Variants in GBP7 observed in about 807,000 individuals in gnomAD.
GBP7 encodes the protein guanylate binding protein 7.
Under a neutral mutation model 61.3 loss-of-function variants are expected in GBP7, and 43 were observed. The observed-to-expected ratio is 0.70, with a 90% CI of 0.55 to 0.91. The LOEUF is 0.91. Ranked by LOEUF, GBP7 falls within the 40% of genes least tolerant of loss-of-function variation. The pLI, the probability that GBP7 is intolerant of heterozygous loss-of-function variation, is 0.00. For missense variants in GBP7, 717 were observed against 740.5 expected (o/e 0.97, Z 0.37); for synonymous variants, 267 against 271.0 (o/e 0.99, Z 0.14).
chr1:89,150,402 T>C lies in GBP7; in HGVS notation c.799A>G (p.Asn267Asp). Residue 267 changes from asparagine to aspartate, a missense_variant, in exon 6 of 11, where the codon AAT (asparagine) becomes GAT (aspartate). Physicochemically the swap from Asn to Asp is conservative, Grantham distance 23. This residue lies in a region of GBP7 where 387 missense variants were observed against 385.2 expected (regional missense o/e 1.00). Transcript: ENST00000294671. Reference protein sequence around the residue: ...LDSNFQMQSENFCSYIFTHAK... With the variant: ...LDSNFQMQSEDFCSYIFTHAK... Reference sequence around the variant, plus strand: ...TGGGTGAAGATATAAGAACAGAAATTTTCTGATTGCATCTGGAAATTACTA... The same window carrying C: ...TGGGTGAAGATATAAGAACAGAAATCTTCTGATTGCATCTGGAAATTACTA... 6.2e-7 allele frequency: 1 copy of C among 1,613,992 alleles called. No homozygotes were observed. Among genetic ancestry groups the C allele is most frequent in the Non-Finnish European group, 8.5e-7 (1 of 1,179,884 alleles).
At chr1:89,168,443 A>C (rs1647502707) in intron 2 of GBP7, among the ~76,000 whole-genome samples, 1 of 152,130 alleles carries the variant, frequency 6.6e-6, no homozygotes, top group Admixed American at 6.5e-5. Flanking sequence ...ATATTCCTAA[A>C]ATATTTTCCA....
intron 1 of GBP7, among the ~76,000 whole-genome samples, chr1:89,173,915 A>C (rs555728141): frequency 6.6e-6 from 1 of 152,174 alleles, no homozygotes; most frequent in South Asian, 2.1e-4. Flanking sequence ...ATTCCCACCC[A>C]TCCTCCATAG....
rs1682222314 is a variant in GBP7 at position 89,152,348 on chromosome 1, T to C, written c.545A>G (p.Asp182Gly). The change falls in exon 5 of 11, where the codon GAT (aspartate) becomes GGT (glycine). Residue 182 changes from aspartate to glycine, a missense_variant. Around this residue, in one of 3 missense-constraint regions of GBP7, gnomAD observed 387 missense variants for 385.2 expected, o/e 1.00. Coordinates refer to ENST00000294671, the MANE Select transcript of GBP7 (RefSeq NM_207398.3). ...ATCTAACTTCAGCTCCAGGGTAAAATCTCGAACAGTCCAAATAAAGTCTGG... is the reference window on the plus strand; with the variant it reads ...ATCTAACTTCAGCTCCAGGGTAAAACCTCGAACAGTCCAAATAAAGTCTGG... The part of the protein sequence containing the change: ...FFPDFIWTVR[D>G]FTLELKLDGH... 6 of 1,614,002 alleles carry C rather than the reference T, an allele frequency of 3.7e-6. No homozygotes were observed. The highest frequency in any genetic ancestry group is 4.2e-6 in the Non-Finnish European group (5 of 1,179,988).
intron 8 of GBP7, among the ~76,000 whole-genome samples, chr1:89,144,037 C>T (rs913877524): frequency 2.6e-5 from 4 of 152,186 alleles, no homozygotes; most frequent in African/African-American, 9.7e-5. Context: ...CCTGCCTCCT[C>T]CCTCTTGTAT....
chr1:89,154,959 C>T (rs772723637), intron 3 of GBP7, among the ~76,000 whole-genome samples: 3 of 152,046 alleles, frequency 2.0e-5, no homozygotes, highest in South Asian at 2.1e-4. Context: ...CAGTAGGGGC[C>T]GACTGACACC....
chr1:89,169,650 G>T (rs570911787), intron 2 of GBP7, among the ~76,000 whole-genome samples: 1 of 152,270 alleles, frequency 6.6e-6, no homozygotes, highest in East Asian at 1.9e-4. Flanking sequence ...TGTTCCTGAA[G>T]CTCTATACAC....
intron 7 of GBP7, 52 bp from the exon 8 acceptor site, chr1:89,147,831 G>A: frequency 6.3e-7 from 1 of 1,576,834 alleles, no homozygotes; most frequent in South Asian, 1.1e-5. Flanking sequence ...TAGAAGGGAA[G>A]GTCCAACTGT....
At chr1:89,135,952 T>TC (rs1681791767) in intron 9 of GBP7, among the ~76,000 whole-genome samples, 2 of 151,992 alleles carry the variant, frequency 1.3e-5, no homozygotes, top group South Asian at 4.2e-4. Flanking sequence ...AGGCTCAAAG[T>TC]AAAGGGATGA....
intron 3 of GBP7, 68 bp from the exon 4 acceptor site, chr1:89,152,845 T>A: frequency 1.6e-6 from 2 of 1,268,022 alleles, no homozygotes; most frequent in African/African-American, 1.5e-5. Context: ...GTCAACTACT[T>A]GTATCCATGT....
intron 5 of GBP7, among the ~76,000 whole-genome samples, chr1:89,150,909 A>C (rs1306732828): frequency 6.6e-6 from 1 of 152,214 alleles, no homozygotes; most frequent in East Asian, 1.9e-4. Flanking sequence ...ATGATTAACT[A>C]AAATATGATA....
At chr1:89,172,485 T>C in intron 1 of GBP7, among the ~76,000 whole-genome samples, 1 of 152,244 alleles carries the variant, frequency 6.6e-6, no homozygotes, top group East Asian at 1.9e-4. Context: ...TATCCTTCAA[T>C]TTGGAGTTTT....
In GBP7 at chr1:89,142,837, A is replaced by G. The variant is rs375688659; in HGVS notation, c.1366-1189T>C. On this transcript the variant is annotated intron_variant, in intron 8 of 10. Transcript: ENST00000294671. Reference sequence around the variant, plus strand: ...TGTATTAGGACATTCTTGCATTGCTACAAATACCTGAGACTGGGTAATTTT... The same window carrying G: ...TGTATTAGGACATTCTTGCATTGCTGCAAATACCTGAGACTGGGTAATTTT... Among the ~76,000 whole-genome samples the G allele has an allele frequency of 3.7e-4, 56 of 152,282 alleles. 6 individuals are homozygous for G. Among genetic ancestry groups the G allele is most frequent in the Admixed American group, 9.2e-4 (14 of 15,296 alleles).
At chr1:89,143,724 G>A (rs1172038075) in intron 8 of GBP7, among the ~76,000 whole-genome samples, 1 of 151,958 alleles carries the variant, frequency 6.6e-6, no homozygotes, top group East Asian at 1.9e-4. Context: ...GAGTGGAGGT[G>A]CCACATACTT....
Position 89,164,716 on chromosome 1 carries a change from A to C in GBP7, c.318+15T>G. Reference sequence around the variant, plus strand: ...AATCAAAGGTAAAGAAGATTTCTCTATGTCTCTTTCTTACCTTTTCCATAT... The same window carrying C: ...AATCAAAGGTAAAGAAGATTTCTCTCTGTCTCTTTCTTACCTTTTCCATAT... On this transcript the variant is annotated intron_variant, in intron 3 of 10. Transcript: ENST00000294671. 6.2e-7 allele frequency: 1 copy of C among 1,612,750 alleles called. No homozygotes were observed. The highest frequency in any genetic ancestry group is 8.5e-7 in the Non-Finnish European group (1 of 1,179,052).
intron 2 of GBP7, among the ~76,000 whole-genome samples, chr1:89,170,859 C>A (rs553605917): frequency 2.6e-5 from 4 of 152,180 alleles, no homozygotes; most frequent in African/African-American, 9.7e-5. Flanking sequence ...TTGCAAGTGG[C>A]CTTACTTGCT....
At chr1:89,141,744 T>C (rs1433403308) in intron 8 of GBP7, 96 bp from the exon 9 acceptor site, 6 of 907,044 alleles carry the variant, frequency 6.6e-6, no homozygotes, top group East Asian at 4.9e-5. Context: ...AATCTAACCT[T>C]GTAAACTTCA....
chr1:89,163,644 A>C (rs1647337930), intron 3 of GBP7, among the ~76,000 whole-genome samples: 4 of 152,074 alleles, frequency 2.6e-5, no homozygotes, highest in Admixed American at 2.6e-4. Context: ...ATTTATACTC[A>C]GACTAATATA....
At position 89,164,675 on chromosome 1, in the gene GBP7, A is replaced by G. The variant is rs868550528; in HGVS notation, c.318+56T>C. 94 of 1,571,746 alleles carry G rather than the reference A, an allele frequency of 6.0e-5. 1 individual carries two copies. In the Middle Eastern group the frequency reaches 7.5e-3, roughly 126 times the overall value. On this transcript the variant is annotated intron_variant, in intron 3 of 10. Coordinates refer to ENST00000294671, the MANE Select transcript of GBP7 (RefSeq NM_207398.3). ...GAGAAGTTGGATTGATACTATGCAT[A>G]AAAACATAAATAGAGAATCAAAGGT...
In GBP7 at chr1:89,152,674, T is replaced by G; in HGVS notation, c.422A>C (p.Gln141Pro). 1 of 1,612,170 alleles carries G rather than the reference T, an allele frequency of 6.2e-7. No homozygotes were observed. The highest frequency in any genetic ancestry group is 8.5e-7 in the Non-Finnish European group (1 of 1,179,682). Residue 141 changes from glutamine to proline, a missense_variant, in exon 4 of 11, where the codon CAG becomes CCG. Physicochemically the swap from Gln to Pro is moderately conservative, Grantham distance 76. Around this residue, in one of 3 missense-constraint regions of GBP7, gnomAD observed 387 missense variants for 385.2 expected, o/e 1.00. Coordinates refer to ENST00000294671, the MANE Select transcript of GBP7 (RefSeq NM_207398.3). Reference protein sequence around the residue: ...MGTINHQALEQLHYVTELTEL... With the variant: ...MGTINHQALEPLHYVTELTEL... ...TCACTTCCTGGAAGGATACTGCAGC[T>G]GCTCCAGGGCCTGGTGGTTGATGGT...
Sources: allele counts gnomAD v4.1 joint callset (sites outside exome capture counted in the v4.1 genomes callset), GRCh38; gene constraint gnomAD v4.1.1; regional missense constraint gnomAD v4.1.1; transcripts MANE v1.5; gene names NCBI Gene and HGNC (gene_info 2026-07-23, HGNC 2026-07-21).